The following CACNA1E variants were observed in gnomAD, a reference collection of about 807,000 sequenced individuals.
CACNA1E encodes calcium voltage-gated channel subunit alpha1 E.
CACNA1E carries 40 observed loss-of-function variants against 259.2 expected under a neutral mutation model. The ratio of observed to expected loss-of-function variants is 0.15; its 90% confidence interval spans 0.12 to 0.20. The LOEUF (loss-of-function observed/expected upper bound fraction) is 0.20. Ranked by LOEUF, CACNA1E falls within the 10% of genes least tolerant of loss-of-function variation. The pLI is 1.00. For missense variants in CACNA1E, 1,874 were observed against 3,040.1 expected (o/e 0.62, Z 9.02); for synonymous variants, 1,104 against 1,138.5 (o/e 0.97, Z 0.61).
In CACNA1E at chr1:181,771,050, G is replaced by A. The variant is rs185781692; in HGVS notation, c.4882-243G>A. ...GCAGAATGACTTCAAAAGAGCTTGCGTTCTACGTTATGCTTGGACCTTGCT... is the reference window on the plus strand; with the variant it reads ...GCAGAATGACTTCAAAAGAGCTTGCATTCTACGTTATGCTTGGACCTTGCT... On this transcript the variant is annotated intron_variant, in intron 35 of 47. Transcript: ENST00000367573. Among the ~76,000 whole-genome samples, 11 of 152,300 alleles carry A rather than the reference G, an allele frequency of 7.2e-5. No individual in the cohort carries two copies. The East Asian group carries it at 1.2e-3, about 16-fold the overall frequency.
chr1:181,533,288 TC>T (rs1667923051), intron 3 of CACNA1E, among the ~76,000 whole-genome samples: 2 of 148,676 alleles, frequency 1.3e-5, no homozygotes, highest in Non-Finnish European at 3.0e-5. Flanking sequence ...CATGTTTAGG[TC>T]CCTAATCCAT....
chr1:181,679,509 C>T (rs1166971270), intron 7 of CACNA1E, among the ~76,000 whole-genome samples: 2 of 152,156 alleles, frequency 1.3e-5, no homozygotes, highest in African/African-American at 2.4e-5. Context: ...GGACATAATG[C>T]CAGGGAGCTC....
intron 3 of CACNA1E, among the ~76,000 whole-genome samples, chr1:181,547,072 T>A (rs891574670): frequency 6.6e-6 from 1 of 152,172 alleles, no homozygotes; most frequent in Non-Finnish European, 1.5e-5. Flanking sequence ...TTAACGGCCA[T>A]GAAAATCTCA....
At chr1:181,771,521 A>G (rs149993103) in intron 36 of CACNA1E, 137 bp downstream of exon 36, 23 of 629,740 alleles carry the variant, frequency 3.7e-5, no homozygotes. Flanking sequence ...GGAACAGGCA[A>G]TGTCTTTGCC....
intron 4 of CACNA1E, among the ~76,000 whole-genome samples, 185 bp downstream of exon 4, chr1:181,578,054 A>G (rs1391331897): frequency 6.6e-6 from 1 of 152,206 alleles, no homozygotes; most frequent in Non-Finnish European, 1.5e-5. Context: ...ACTTTTTGCA[A>G]ATATAAAAGA....
chr1:181,620,331 A>G (rs1041093926), intron 6 of CACNA1E, among the ~76,000 whole-genome samples: 4 of 152,138 alleles, frequency 2.6e-5, no homozygotes, highest in African/African-American at 9.7e-5. Context: ...AGACATCCTG[A>G]TTGCTATTAT....
intron 7 of CACNA1E, among the ~76,000 whole-genome samples, chr1:181,654,161 A>C (rs1474846008): frequency 6.6e-6 from 1 of 151,896 alleles, no homozygotes; most frequent in Non-Finnish European, 1.5e-5. Flanking sequence ...AAATTAAAAA[A>C]AAAAACATTT....
rs539330233 is a variant in CACNA1E, at chr1:181,428,016, C to T, written c.434+14436C>T. On this transcript the variant is annotated intron_variant, in intron 2 of 11. Coordinates refer to the CACNA1E transcript ENST00000524607. Reference sequence around the variant, plus strand: ...TCCAGCAACCCTATCAATGGATGTTCCCAGTTGCTTTGCAGTTACCAGCTG... The same window carrying T: ...TCCAGCAACCCTATCAATGGATGTTTCCAGTTGCTTTGCAGTTACCAGCTG... 2.6e-5 allele frequency among the ~76,000 whole-genome samples: 4 copies of T among 152,182 alleles called. No individual in the cohort carries two copies. The South Asian group carries it at 8.3e-4, about 32-fold the overall frequency.
Position 181,800,060 on chromosome 1 carries a change from C to CTGAT in CACNA1E, c.*1227_*1230dup, listed in dbSNP as rs1427741597. On this transcript the variant is annotated 3_prime_UTR_variant, in exon 48 of 48. Transcript: ENST00000367573. ...GGGATTTCTGTAAAGATGGGAAAGG[C>CTGAT]TGATAGATTGAAATAAGCTTCTGTG... The CTGAT allele has an allele frequency of 1.3e-5, 2 of 152,700 alleles. No homozygotes were observed. The highest frequency in any genetic ancestry group is 4.1e-4 in the South Asian group (2 of 4,834). The allele number at this position is 152,700 out of a possible 1,614,324, so 9.5% of individuals were successfully genotyped here.
intron 6 of CACNA1E, among the ~76,000 whole-genome samples, chr1:181,630,187 T>G (rs1459273604): frequency 6.6e-6 from 1 of 152,202 alleles, no homozygotes; most frequent in African/African-American, 2.4e-5. Context: ...ACATATTGCC[T>G]TTGTAATTTA....
Position 181,501,478 on chromosome 1 carries a change from A to C in CACNA1E, c.267-8999A>C, listed in dbSNP as rs190160844. On this transcript the variant is annotated intron_variant, in intron 1 of 47. Coordinates refer to ENST00000367573, the MANE Select transcript of CACNA1E (RefSeq NM_001205293.3). ...GAGTTCTTTGGTCTAAAGTAATGAG[A>C]ATTTGGACTTGCCTTCACAGCCAGC... 2.0e-5 allele frequency among the ~76,000 whole-genome samples: 3 copies of C among 152,286 alleles called. No homozygotes were observed. The East Asian group carries it at 5.8e-4, about 29-fold the overall frequency.
At chr1:181,554,708 G>A (rs373792439) in intron 3 of CACNA1E, among the ~76,000 whole-genome samples, 3 of 152,144 alleles carry the variant, frequency 2.0e-5, no homozygotes, top group African/African-American at 4.8e-5. Context: ...ACTGACGTAC[G>A]GCTGAATTCT....
intron 32 of CACNA1E, among the ~76,000 whole-genome samples, chr1:181,759,427 A>G (rs373179274): frequency 9.7e-5 from 10 of 103,194 alleles, no homozygotes; most frequent in African/African-American, 1.8e-4. Flanking sequence ...GTGTGTGTGT[A>G]TGGAGTGCAA....
At chr1:181,357,376 C>G (rs1465618685) in intron 1 of CACNA1E, among the ~76,000 whole-genome samples, 1 of 152,202 alleles carries the variant, frequency 6.6e-6, no homozygotes, top group Middle Eastern at 3.2e-3. Flanking sequence ...TGATTTATTC[C>G]CATCTCCATA....
chr1:181,520,274 T>C (rs1666894176), intron 3 of CACNA1E, among the ~76,000 whole-genome samples: 2 of 152,220 alleles, frequency 1.3e-5, no homozygotes, highest in Non-Finnish European at 2.9e-5. Flanking sequence ...TTAATTCTAT[T>C]ATCAACAATT....
chr1:181,677,898 C>G (rs3766983), intron 7 of CACNA1E, among the ~76,000 whole-genome samples: 80,183 of 151,904 alleles, frequency 0.53, 21,734 homozygotes, highest in East Asian at 0.75. Flanking sequence ...GGGATAAAAA[C>G]GATATTGAAT....
intron 1 of CACNA1E, chr1:181,413,032 A>T (rs1657976454): frequency 1.3e-5 from 2 of 152,818 alleles, no homozygotes; most frequent in South Asian, 4.1e-4. Flanking sequence ...CAATGCCATT[A>T]ACCTCTTTCT....
chr1:181,576,816 CA>C (rs1651023215), intron 3 of CACNA1E, among the ~76,000 whole-genome samples: 1 of 152,140 alleles, frequency 6.6e-6, no homozygotes, highest in Admixed American at 6.5e-5. Flanking sequence ...TCTGTGTGTA[CA>C]TTATAGTTTA....
chr1:181,633,675 AGAGACAG>A (rs143337512), intron 6 of CACNA1E, among the ~76,000 whole-genome samples: 1,756 of 152,204 alleles, frequency 0.012, 34 homozygotes, highest in African/African-American at 0.04. Flanking sequence ...TATTTTTGGT[AGAGACAG>A]GGTTTCACCA....
Sources: gnomAD v4.1 joint callset for allele counts (sites outside exome capture counted in the v4.1 genomes callset) on GRCh38, gnomAD v4.1.1 for gene constraint, MANE v1.5 for transcripts, NCBI Gene and HGNC (gene_info 2026-07-23, HGNC 2026-07-21) for gene names.